CEMIP: variants seen among roughly 807,000 people sequenced by gnomAD.
CEMIP encodes the protein cell migration inducing hyaluronidase 1.
In CEMIP, 105 loss-of-function variants were observed where a neutral mutation model predicts 156.9. The observed-to-expected ratio is 0.67, with a 90% confidence interval of 0.57 to 0.79. The LOEUF is 0.79. Ranked by LOEUF, CEMIP falls within the 30% of genes least tolerant of loss-of-function variation. CEMIP has a pLI of 0.00. For synonymous variants in CEMIP, 676 were observed against 668.4 expected (o/e 1.01, Z -0.17); for missense variants, 1,457 against 1,769.4 (o/e 0.82, Z 3.17).
intron 1 of CEMIP, among the ~76,000 whole-genome samples, chr15:80,794,517 A>G (rs1197047407): frequency 6.6e-6 from 1 of 152,220 alleles, no homozygotes; most frequent in Non-Finnish European, 1.5e-5. Context: ...AGCCCCACTA[A>G]GACAAAGTTT....
intron 10 of CEMIP, 30 bp from the exon 11 acceptor site, chr15:80,894,960 T>C (rs1387847041): frequency 1.9e-6 from 3 of 1,613,444 alleles, no homozygotes; most frequent in Non-Finnish European, 2.5e-6. Flanking sequence ...AAAAAACGAC[T>C]TTGCTCTGTA....
At chr15:80,926,158 AT>A (rs1225274707) in intron 19 of CEMIP, among the ~76,000 whole-genome samples, 2 of 152,186 alleles carry the variant, frequency 1.3e-5, no homozygotes, top group African/African-American at 4.8e-5. Flanking sequence ...TATGATCTCC[AT>A]TTTAGAGACG....
intron 12 of CEMIP, among the ~76,000 whole-genome samples, chr15:80,900,534 C>G (rs955138271): frequency 2.0e-5 from 3 of 149,200 alleles, no homozygotes; most frequent in Non-Finnish European, 4.4e-5. Flanking sequence ...TGTGAGGCCC[C>G]CATGAAAACA....
At chr15:80,896,393 G>A in intron 12 of CEMIP, 1 of 507,230 alleles carries the variant, frequency 2.0e-6, no homozygotes, top group East Asian at 5.4e-5. Context: ...GAACTCTTAA[G>A]GCCTAGGCTC....
At chr15:80,887,934 C>T (rs1382716751) in intron 8 of CEMIP, among the ~76,000 whole-genome samples, 170 bp downstream of exon 8, 1 of 152,226 alleles carries the variant, frequency 6.6e-6, no homozygotes, top group Admixed American at 6.5e-5. Flanking sequence ...TGGCAAAGGC[C>T]AATGCTGGCC....
Position 80,949,870 on chromosome 15 carries a change from T to A in CEMIP, c.*946T>A, listed in dbSNP as rs893616275. 6.6e-6 allele frequency: 1 copy of A among 152,336 alleles called. No homozygotes were observed. Among genetic ancestry groups the A allele is most frequent in the Non-Finnish European group, 1.5e-5 (1 of 68,148 alleles). The allele number at this position is 152,336 out of a possible 1,614,324, so 9.4% of individuals were successfully genotyped here. On this transcript the variant is annotated 3_prime_UTR_variant, in exon 30 of 30. Coordinates refer to ENST00000394685, the MANE Select transcript of CEMIP (RefSeq NM_001293298.2). Reference sequence around the variant, plus strand: ...TGCTGGGGGGAGATGAGGCAGCCTCTGGAATGGCTCAGGGATTCAGCCCTC... The same window carrying A: ...TGCTGGGGGGAGATGAGGCAGCCTCAGGAATGGCTCAGGGATTCAGCCCTC...
At chr15:80,855,524 T>C (rs1897831208) in intron 1 of CEMIP, among the ~76,000 whole-genome samples, 1 of 152,126 alleles carries the variant, frequency 6.6e-6, no homozygotes, top group African/African-American at 2.4e-5. Context: ...TTTTTTTTCT[T>C]TTTTGAGATG....
chr15:80,909,791 G>T, intron 14 of CEMIP: 1 of 364,010 alleles, frequency 2.7e-6, no homozygotes, highest in Admixed American at 3.5e-5. Flanking sequence ...ATTGGCATGT[G>T]TATCAGAGGC....
intron 16 of CEMIP, among the ~76,000 whole-genome samples, chr15:80,921,760 C>G (rs560693178): frequency 6.6e-6 from 1 of 152,352 alleles, no homozygotes; most frequent in Non-Finnish European, 1.5e-5. Context: ...TGAAACGCAG[C>G]ATTTCTGAGC....
At chr15:80,931,592 T>C (rs1280137556) in intron 21 of CEMIP, among the ~76,000 whole-genome samples, 2 of 152,168 alleles carry the variant, frequency 1.3e-5, no homozygotes, top group Non-Finnish European at 2.9e-5. Flanking sequence ...CATTCATCCA[T>C]CCATCCATTC....
chr15:80,785,493 T>C (rs1198133308), intron 1 of CEMIP, among the ~76,000 whole-genome samples: 1 of 152,210 alleles, frequency 6.6e-6, no homozygotes, highest in Non-Finnish European at 1.5e-5. Context: ...TCATCTTCTA[T>C]GAGGCAGGCC....
intron 1 of CEMIP, among the ~76,000 whole-genome samples, chr15:80,805,509 G>T (rs965001968): frequency 1.3e-5 from 2 of 152,186 alleles, no homozygotes. Context: ...TTACCGTGTG[G>T]TTAGGAAGCT....
intron 25 of CEMIP, 78 bp from the exon 26 acceptor site, chr15:80,941,770 TA>T: frequency 7.5e-7 from 1 of 1,334,778 alleles, no homozygotes; most frequent in Non-Finnish European, 1.1e-6. Context: ...CAGCTCAGAG[TA>T]AATGTCTCGG....
intron 3 of CEMIP, among the ~76,000 whole-genome samples, chr15:80,876,226 C>T (rs1276863961): frequency 6.6e-6 from 1 of 152,158 alleles, no homozygotes; most frequent in African/African-American, 2.4e-5. Flanking sequence ...GGAAGGCAGC[C>T]CAGGGCCTCT....
chr15:80,848,385 C>T lies in CEMIP; in HGVS notation c.-175-25153C>T, dbSNP rs140291004. 8.3e-4 allele frequency among the ~76,000 whole-genome samples: 126 copies of T among 152,242 alleles called. 2 individuals are homozygous for T. The East Asian group carries it at 0.02, about 25-fold the overall frequency. ...GTTCCTGTTCCATGCTCTGACACCTCGGGTTGGCCTCAGACAATCTACTCA... is the reference window on the plus strand; with the variant it reads ...GTTCCTGTTCCATGCTCTGACACCTTGGGTTGGCCTCAGACAATCTACTCA... On this transcript the variant is annotated intron_variant, in intron 1 of 29. Transcript: ENST00000394685.
chr15:80,817,522 G>A (rs57996600), intron 1 of CEMIP, among the ~76,000 whole-genome samples: 2 of 151,268 alleles, frequency 1.3e-5, no homozygotes, highest in South Asian at 2.1e-4. Flanking sequence ...GATCACTTGA[G>A]TCCGGGAGGT....
In CEMIP at chr15:80,949,205, C is replaced by G. The variant is rs1901709914; in HGVS notation, c.*281C>G. 6.3e-6 allele frequency: 3 copies of G among 473,122 alleles called. No individual in the cohort carries two copies. Among genetic ancestry groups the G allele is most frequent in the Non-Finnish European group, 1.2e-5 (3 of 256,678 alleles). 29.3% of individuals were successfully genotyped at this position (473,122 alleles called of 1,614,324 possible). On this transcript the variant is annotated 3_prime_UTR_variant, in exon 30 of 30. Coordinates refer to ENST00000394685, the MANE Select transcript of CEMIP (RefSeq NM_001293298.2). ...TGCTTCTCTCCTATCTGTGCCTCTT[C>G]AGTGGGGGTTTGGGGACCATATCAG... is the stretch of plus-strand genomic sequence containing the variant.
At chr15:80,882,005 G>A (rs892032565) in intron 6 of CEMIP, among the ~76,000 whole-genome samples, 1 of 152,174 alleles carries the variant, frequency 6.6e-6, no homozygotes, top group Non-Finnish European at 1.5e-5. Flanking sequence ...TGGCCCTTTA[G>A]AGGGAAGGAC....
intron 1 of CEMIP, among the ~76,000 whole-genome samples, chr15:80,795,885 G>A (rs1021624457): frequency 2.4e-4 from 36 of 152,084 alleles, no homozygotes; most frequent in Non-Finnish European, 5.0e-4. Flanking sequence ...AGCCATGATT[G>A]TACCACTACA....
Sources: allele counts gnomAD v4.1 joint callset (sites outside exome capture counted in the v4.1 genomes callset), GRCh38; gene constraint gnomAD v4.1.1; transcripts MANE v1.5; gene names NCBI Gene and HGNC (gene_info 2026-07-23, HGNC 2026-07-21).